ZC3H12B: variants seen among roughly 807,000 people sequenced by gnomAD.
The protein encoded by ZC3H12B is zinc finger CCCH-type containing 12B.
Under a neutral mutation model 43.9 loss-of-function variants are expected in ZC3H12B, and 7 were observed. The ratio of observed to expected loss-of-function variants is 0.16; its 90% CI spans 0.09 to 0.30. The LOEUF (loss-of-function observed/expected upper bound fraction) is 0.30. Ranked by LOEUF, ZC3H12B falls within the 10% of genes least tolerant of loss-of-function variation. ZC3H12B has a pLI of 1.00. For missense variants in ZC3H12B, 475 were observed against 670.2 expected, an observed-to-expected ratio of 0.71 and a Z score of 3.22; for synonymous variants, 222 against 241.7, an observed-to-expected ratio of 0.92 and a Z score of 0.76.
chrX:65,462,768 A>C (rs1326723953), intron 3 of ZC3H12B, among the ~76,000 whole-genome samples: 3 of 111,838 alleles, frequency 2.7e-5, no homozygotes, highest in Non-Finnish European at 5.6e-5. Context: ...ATTACTGGGT[A>C]TATATCCAAA....
chrX:65,231,386 G>A, the ZC3H12B span, among the ~76,000 whole-genome samples: 3 of 111,339 alleles, frequency 2.7e-5, no homozygotes, highest in Admixed American at 9.6e-5. Context: ...AACAGGGTTC[G>A]AGAGCAGACA....
the ZC3H12B span, among the ~76,000 whole-genome samples, chrX:65,225,378 TCAC>T: frequency 3.6e-5 from 4 of 111,607 alleles, no homozygotes; most frequent in African/African-American, 1.3e-4. Flanking sequence ...CATGTGTACA[TCAC>T]CATCATCAAA....
chrX:65,229,229 T>G, the ZC3H12B span, among the ~76,000 whole-genome samples: 20 of 110,563 alleles, frequency 1.8e-4, no homozygotes, highest in African/African-American at 6.3e-4. Flanking sequence ...AAATAACACC[T>G]CATATCTACA....
At chrX:65,207,764 G>C in the ZC3H12B span, among the ~76,000 whole-genome samples, 1 of 70,172 alleles carries the variant, frequency 1.4e-5, no homozygotes, top group Non-Finnish European at 2.6e-5. Flanking sequence ...AAATTACCTT[G>C]GGCAGTATGG....
the ZC3H12B span, among the ~76,000 whole-genome samples, chrX:65,084,861 G>C: frequency 1.8e-5 from 2 of 112,792 alleles, no homozygotes; most frequent in African/African-American, 6.4e-5. Flanking sequence ...CAACCTAAGT[G>C]TCCATCAATA....
the ZC3H12B span, among the ~76,000 whole-genome samples, chrX:65,137,665 G>A: frequency 1.2e-4 from 13 of 111,104 alleles, no homozygotes; most frequent in South Asian, 3.7e-4. Flanking sequence ...GACATTTTTC[G>A]GTGTTATATT....
At chrX:65,230,494 C>G in the ZC3H12B span, among the ~76,000 whole-genome samples, 1 of 107,967 alleles carries the variant, frequency 9.3e-6, no homozygotes, top group Non-Finnish European at 1.9e-5. Context: ...TGTAACTAAC[C>G]TGCACATTGT....
chrX:65,119,360 T>C, the ZC3H12B span, among the ~76,000 whole-genome samples: 580 of 112,098 alleles, frequency 5.2e-3, 2 homozygotes, highest in South Asian at 0.013. Flanking sequence ...TGTGAGATGG[T>C]ATCTCATTGT....
At chrX:65,250,029 C>A in the ZC3H12B span, among the ~76,000 whole-genome samples, 2 of 110,120 alleles carry the variant, frequency 1.8e-5, no homozygotes, top group African/African-American at 6.6e-5. Flanking sequence ...TGCTGGTGTG[C>A]TGCATTCATT....
intron 3 of ZC3H12B, among the ~76,000 whole-genome samples, chrX:65,422,056 T>A (rs1569402736): frequency 8.9e-6 from 1 of 111,955 alleles, no homozygotes; most frequent in East Asian, 2.8e-4. Flanking sequence ...CATGGTGGAA[T>A]GGCCTTTTGG....
At chrX:65,145,650 T>C in the ZC3H12B span, among the ~76,000 whole-genome samples, 16 of 111,992 alleles carry the variant, frequency 1.4e-4, no homozygotes, top group East Asian at 1.1e-3. Flanking sequence ...ACTTCAAGAT[T>C]TAAAGCAGTT....
chrX:65,243,122 A>G, the ZC3H12B span, among the ~76,000 whole-genome samples: 4 of 112,095 alleles, frequency 3.6e-5, no homozygotes, highest in South Asian at 3.7e-4. Context: ...TAAATGGACA[A>G]TTGGTACCAC....
the ZC3H12B span, among the ~76,000 whole-genome samples, chrX:65,171,748 C>T: frequency 1.4e-4 from 15 of 110,903 alleles, no homozygotes; most frequent in East Asian, 3.7e-3. Flanking sequence ...ATGGTGGACG[C>T]CCCTCCCCCA....
upstream of ZC3H12B, chrX:65,366,533 C>A: frequency 2.7e-5 from 3 of 112,143 alleles, no homozygotes. Context: ...GGCTAATATT[C>A]TTTTTTAATC....
At chrX:65,194,965 T>A in the ZC3H12B span, among the ~76,000 whole-genome samples, 2 of 112,148 alleles carry the variant, frequency 1.8e-5, no homozygotes, top group African/African-American at 6.5e-5. Flanking sequence ...ATTTATTTTA[T>A]CTTCAATAAT....
the ZC3H12B span, among the ~76,000 whole-genome samples, chrX:65,075,160 T>C: frequency 2.7e-5 from 3 of 112,510 alleles, no homozygotes; most frequent in Non-Finnish European, 1.9e-5. Context: ...ATTTCTTCTC[T>C]GGACTTGTAT....
At chrX:65,079,291 G>A in the ZC3H12B span, among the ~76,000 whole-genome samples, 3 of 112,717 alleles carry the variant, frequency 2.7e-5, no homozygotes, top group Non-Finnish European at 3.8e-5. Flanking sequence ...GGACCCGAGG[G>A]ACCTCACTGC....
the ZC3H12B span, among the ~76,000 whole-genome samples, chrX:65,302,771 A>G: frequency 8.9e-6 from 1 of 112,274 alleles, no homozygotes; most frequent in Non-Finnish European, 1.9e-5. Flanking sequence ...ATAAAGCTAC[A>G]GTAATCAAGG....
chrX:65,045,837 C>T, the ZC3H12B span, among the ~76,000 whole-genome samples: 1 of 112,035 alleles, frequency 8.9e-6, no homozygotes, highest in South Asian at 3.7e-4. Flanking sequence ...ATCCAAATTA[C>T]TCCTTGATTC....
Sources: allele counts gnomAD v4.1 joint callset (sites outside exome capture counted in the v4.1 genomes callset), GRCh38; gene constraint gnomAD v4.1.1; transcripts MANE v1.5; gene names NCBI Gene and HGNC (gene_info 2026-07-23, HGNC 2026-07-21).